Variants in SOX5 observed in about 807,000 individuals in gnomAD.
SOX5 encodes SRY-box transcription factor 5, also known as transcription factor SOX-5.
In SOX5, 9 loss-of-function variants were observed where a neutral mutation model predicts 92.0. The ratio of observed to expected loss-of-function variants is 0.10; its 90% confidence interval spans 0.06 to 0.17. The LOEUF (loss-of-function observed/expected upper bound fraction) is 0.17, where lower values mean the gene tolerates loss of function less well. Ranked by LOEUF, SOX5 falls within the 10% of genes least tolerant of loss-of-function variation. The pLI, the probability that SOX5 is intolerant of heterozygous loss-of-function variation, is 1.00. For synonymous variants in SOX5, 344 were observed against 336.3 expected, an observed-to-expected ratio of 1.02 and a Z score of -0.25; for missense variants, 642 against 944.5, an observed-to-expected ratio of 0.68 and a Z score of 4.20.
chr12:23,846,238 G>C, intron 2 of SOX5, 45 bp from the exon 3 acceptor site: 1 of 1,387,446 alleles, frequency 7.2e-7, no homozygotes, highest in Non-Finnish European at 1.0e-6. Flanking sequence ...ACCTGAAAGA[G>C]AGAGCAAAAG....
At chr12:23,764,149 A>G (rs1375972042) in intron 3 of SOX5, among the ~76,000 whole-genome samples, 3 of 152,122 alleles carry the variant, frequency 2.0e-5, no homozygotes, top group South Asian at 2.1e-4. Flanking sequence ...TATTGAGAGG[A>G]AAAATATTTA....
chr12:23,984,676 G>T (rs926849468), intron 4 of SOX5, among the ~76,000 whole-genome samples: 1 of 152,132 alleles, frequency 6.6e-6, no homozygotes, highest in Non-Finnish European at 1.5e-5. Context: ...AATGAGAGAA[G>T]AGTTGAAAAT....
chr12:23,656,121 A>G (rs977140776), intron 7 of SOX5, among the ~76,000 whole-genome samples: 3 of 152,122 alleles, frequency 2.0e-5, no homozygotes, highest in African/African-American at 7.2e-5. Context: ...TGACTTGCCC[A>G]AGGGCACAGA....
chr12:24,334,013 A>G (rs1951620883), intron 2 of SOX5, among the ~76,000 whole-genome samples: 1 of 151,880 alleles, frequency 6.6e-6, no homozygotes, highest in African/African-American at 2.4e-5. Context: ...AACAAATTCT[A>G]TCATATATAT....
chr12:24,408,384 G>A (rs566167387), intron 1 of SOX5, among the ~76,000 whole-genome samples: 1 of 152,148 alleles, frequency 6.6e-6, no homozygotes, highest in South Asian at 2.1e-4. Flanking sequence ...GAGATCCTGG[G>A]CAGCCTTTAC....
chr12:24,238,769 A>T (rs544044113), intron 3 of SOX5, among the ~76,000 whole-genome samples: 1 of 152,270 alleles, frequency 6.6e-6, no homozygotes, highest in South Asian at 2.1e-4. Context: ...TAGCTTACAT[A>T]ATCCAAATAA....
At chr12:23,634,332 G>A (rs2078941802) in intron 8 of SOX5, among the ~76,000 whole-genome samples, 3 of 152,144 alleles carry the variant, frequency 2.0e-5, no homozygotes, top group Non-Finnish European at 4.4e-5. Flanking sequence ...AGAGAAAAAT[G>A]TAGAATAAAA....
chr12:24,420,662 ACTGT>A (rs1237778501), intron 1 of SOX5, among the ~76,000 whole-genome samples: 1 of 152,196 alleles, frequency 6.6e-6, no homozygotes, highest in African/African-American at 2.4e-5. Flanking sequence ...CTGAGAAGTA[ACTGT>A]CTATTTATAA....
chr12:23,995,514 A>G (rs552147043), intron 4 of SOX5, among the ~76,000 whole-genome samples: 3 of 152,236 alleles, frequency 2.0e-5, no homozygotes, highest in African/African-American at 7.2e-5. Context: ...TGGACAACAT[A>G]GTGAGACTCT....
intron 4 of SOX5, among the ~76,000 whole-genome samples, chr12:23,986,625 C>G (rs1363004618): frequency 6.6e-6 from 1 of 152,100 alleles, no homozygotes. Context: ...CCACATGGTA[C>G]TAAATAACAG....
chr12:24,053,055 T>A (rs905456529), intron 4 of SOX5, among the ~76,000 whole-genome samples: 1 of 152,202 alleles, frequency 6.6e-6, no homozygotes, highest in Non-Finnish European at 1.5e-5. Flanking sequence ...AGAGATGACT[T>A]TTCCACATTA....
intron 3 of SOX5, among the ~76,000 whole-genome samples, chr12:23,837,886 A>ATATATAAGATATATTTATATTTATATAC (rs1568209532): frequency 1.3e-4 from 14 of 108,354 alleles, no homozygotes; most frequent in African/African-American, 5.0e-4. Flanking sequence ...TATTTATATA[A>ATATATAAGATATATTTATATTTATATAC]TATATAAGAT....
intron 3 of SOX5, among the ~76,000 whole-genome samples, chr12:24,225,385 C>T (rs1792686823): frequency 6.6e-6 from 1 of 152,000 alleles, no homozygotes; most frequent in African/African-American, 2.4e-5. Flanking sequence ...AAAATAAAGT[C>T]ATTTAGGGAA....
chr12:23,838,270 G>T lies in SOX5; in HGVS notation c.481+7713C>A, dbSNP rs187578243. 4.0e-3 allele frequency among the ~76,000 whole-genome samples: 600 copies of T among 148,150 alleles called. 4 individuals carry two copies. The highest frequency in any genetic ancestry group is 0.015 in the African/African-American group (586 of 40,386). On this transcript the variant is annotated intron_variant, in intron 3 of 14. Coordinates refer to ENST00000451604, the MANE Select transcript of SOX5 (RefSeq NM_006940.6). ...TCAACATTCTACTATTCTTTTTTATGATACAATTTTTGCTTTGTTACTGTT... is the reference window on the plus strand; with the variant it reads ...TCAACATTCTACTATTCTTTTTTATTATACAATTTTTGCTTTGTTACTGTT...
At chr12:24,175,104 T>C (rs1954661557) in intron 4 of SOX5, among the ~76,000 whole-genome samples, 1 of 152,254 alleles carries the variant, frequency 6.6e-6, no homozygotes, top group Admixed American at 6.5e-5. Context: ...TTTTCAACAT[T>C]TGTTAGTTAT....
intron 4 of SOX5, among the ~76,000 whole-genome samples, chr12:24,130,842 C>CA (rs1297694744): frequency 4.6e-5 from 7 of 152,132 alleles, no homozygotes; most frequent in Non-Finnish European, 7.3e-5. Context: ...TTGGATAACT[C>CA]AAAGACTGCC....
intron 2 of SOX5, among the ~76,000 whole-genome samples, chr12:24,309,624 C>T (rs1379742450): frequency 6.6e-6 from 1 of 152,126 alleles, no homozygotes; most frequent in Non-Finnish European, 1.5e-5. Flanking sequence ...CAAAGTTTCA[C>T]AAGGACACCT....
At chr12:23,722,764 G>A (rs115232368) in intron 6 of SOX5, among the ~76,000 whole-genome samples, 297 of 152,188 alleles carry the variant, frequency 2.0e-3, no homozygotes, top group African/African-American at 6.6e-3. Context: ...GCATCTAAAC[G>A]GCTCTGGTCT....
Position 24,098,905 on chromosome 12 carries a change from C to T in SOX5, c.-2+114438G>A, listed in dbSNP as rs117069846. ...ATCTTATGTGCCCTCCACCCAAGTA[C>T]AGCTTTCTTGTTCACTGGGTTTCAA... On this transcript the variant is annotated intron_variant, in intron 4 of 4. Transcript: ENST00000446891. Among the ~76,000 whole-genome samples the T allele has an allele frequency of 7.6e-3, 1,154 of 152,286 alleles. 4 individuals are homozygous for T. Among genetic ancestry groups the T allele is most frequent in the Non-Finnish European group, 0.014 (945 of 68,010 alleles).
Sources: gnomAD v4.1 joint callset for allele counts (sites outside exome capture counted in the v4.1 genomes callset) on GRCh38, gnomAD v4.1.1 for gene constraint, MANE v1.5 for transcripts, NCBI Gene and HGNC (gene_info 2026-07-23, HGNC 2026-07-21) for gene names.